NPAS3: variants seen among roughly 807,000 people sequenced by gnomAD.
NPAS3 encodes neuronal PAS domain-containing protein 3.
In NPAS3, 14 loss-of-function variants were observed where a neutral mutation model predicts 73.1. The observed-to-expected ratio is 0.19, with a 90% confidence interval of 0.13 to 0.30. NPAS3 has a LOEUF of 0.30. Ranked by LOEUF, NPAS3 falls within the 10% of genes least tolerant of loss-of-function variation. The pLI, the probability that NPAS3 is intolerant of heterozygous loss-of-function variation, is 1.00. For synonymous variants in NPAS3, 620 were observed against 541.5 expected (o/e 1.14, Z -2.01); for missense variants, 1,096 against 1,250.0 (o/e 0.88, Z 1.86).
In NPAS3 at chr14:33,046,778, C is replaced by T. The variant is rs181729618; in HGVS notation, c.51-9127C>T. 5.8e-3 allele frequency among the ~76,000 whole-genome samples: 884 copies of T among 152,264 alleles called. 6 individuals are homozygous for T. Among genetic ancestry groups the T allele is most frequent in the South Asian group, 0.017 (83 of 4,818 alleles). On this transcript the variant is annotated intron_variant, in intron 1 of 11. Transcript: ENST00000356141. ...ATGACCTGAGTTCAGGAGTTCAAGA[C>T]CAGCCTGGCCAACATGGTGAAACCC...
At chr14:33,260,352 CT>C (rs200342123) in intron 3 of NPAS3, among the ~76,000 whole-genome samples, 92 of 145,626 alleles carry the variant, frequency 6.3e-4, no homozygotes, top group Admixed American at 6.2e-4. Flanking sequence ...TTTTCCTTTC[CT>C]TTTTTTTTTT....
At chr14:33,511,007 G>T (rs1173222325) in intron 4 of NPAS3, among the ~76,000 whole-genome samples, 3 of 152,058 alleles carry the variant, frequency 2.0e-5, no homozygotes, top group African/African-American at 4.8e-5. Flanking sequence ...AATTCTGAGA[G>T]TGCTTGTGTT....
chr14:33,708,116 C>T (rs1487257834), intron 6 of NPAS3, among the ~76,000 whole-genome samples: 1 of 152,112 alleles, frequency 6.6e-6, no homozygotes, highest in East Asian at 1.9e-4. Flanking sequence ...CCACCAGCAC[C>T]TCACCGTGTT....
rs904950816 is a variant in NPAS3 at position 33,633,297 on chromosome 14, G to GA, written c.559-42906dup. Among the ~76,000 whole-genome samples the GA allele has an allele frequency of 1.3e-3, 200 of 151,746 alleles. 1 individual carries two copies. Among genetic ancestry groups the GA allele is most frequent in the African/African-American group, 4.5e-3 (187 of 41,382 alleles). ...GATGCCCTCGAATGCAAACTTATTT[G>GA]AAAAAAAACTAATACCACCTGTATC... On this transcript the variant is annotated intron_variant, in intron 5 of 11. Transcript: ENST00000356141.
intron 1 of NPAS3, among the ~76,000 whole-genome samples, chr14:32,975,806 C>A (rs2037643565): frequency 6.6e-6 from 1 of 151,168 alleles, no homozygotes; most frequent in Non-Finnish European, 1.5e-5. Context: ...AGCATTTCTA[C>A]CTCTTAAAGG....
chr14:33,003,489 G>A (rs926593379), intron 1 of NPAS3, among the ~76,000 whole-genome samples: 4 of 152,166 alleles, frequency 2.6e-5, no homozygotes, highest in African/African-American at 9.7e-5. Flanking sequence ...GACTTAATGC[G>A]CTAGGCAAGC....
At chr14:33,168,235 A>C (rs968064956) in intron 2 of NPAS3, among the ~76,000 whole-genome samples, 6 of 152,130 alleles carry the variant, frequency 3.9e-5, no homozygotes, top group Admixed American at 6.5e-5. Context: ...ACTCTGAGAA[A>C]TCCTGGGATA....
intron 3 of NPAS3, among the ~76,000 whole-genome samples, chr14:33,338,878 A>C (rs2140303381): frequency 6.6e-6 from 1 of 152,314 alleles, no homozygotes; most frequent in Admixed American, 6.5e-5. Context: ...GGCAAAATTT[A>C]GGAATTTGCA....
chr14:33,049,771 G>T (rs770079964), intron 1 of NPAS3, among the ~76,000 whole-genome samples: 6 of 152,178 alleles, frequency 3.9e-5, no homozygotes, highest in Non-Finnish European at 8.8e-5. Flanking sequence ...GGGCTCCTAA[G>T]CATTACTTGG....
At chr14:33,425,276 G>C (rs1200123281) in intron 4 of NPAS3, among the ~76,000 whole-genome samples, 2 of 152,008 alleles carry the variant, frequency 1.3e-5, no homozygotes, top group African/African-American at 4.8e-5. Context: ...ATCATTTGAA[G>C]AGTTTGTATT....
At chr14:33,234,032 G>A (rs2047945184) in intron 3 of NPAS3, among the ~76,000 whole-genome samples, 1 of 152,024 alleles carries the variant, frequency 6.6e-6, no homozygotes, top group African/African-American at 2.4e-5. Flanking sequence ...AGCACGAGTG[G>A]AAAAGAAGTC....
chr14:33,286,607 T>C (rs1481981692), intron 3 of NPAS3, among the ~76,000 whole-genome samples: 1 of 152,166 alleles, frequency 6.6e-6, no homozygotes, highest in Non-Finnish European at 1.5e-5. Flanking sequence ...ATCTCCTCTC[T>C]AGTGTTGTTT....
chr14:33,362,877 C>G (rs771690144), intron 3 of NPAS3, among the ~76,000 whole-genome samples: 1 of 152,172 alleles, frequency 6.6e-6, no homozygotes, highest in Non-Finnish European at 1.5e-5. Flanking sequence ...AACCCTGCCT[C>G]ACAGTGTCAC....
At chr14:33,423,014 T>C (rs1326689415) in intron 4 of NPAS3, among the ~76,000 whole-genome samples, 2 of 151,996 alleles carry the variant, frequency 1.3e-5, no homozygotes, top group Non-Finnish European at 2.9e-5. Context: ...ATAAACATAC[T>C]TGATAAAAAC....
At chr14:33,458,938 G>A (rs895867298) in intron 4 of NPAS3, among the ~76,000 whole-genome samples, 1 of 152,176 alleles carries the variant, frequency 6.6e-6, no homozygotes, top group Non-Finnish European at 1.5e-5. Context: ...TGTTTATGAA[G>A]AAAGTAAAGG....
At chr14:33,784,741 A>AT (rs1325282410) in intron 9 of NPAS3, among the ~76,000 whole-genome samples, 2,176 of 71,416 alleles carry the variant, frequency 0.03, 156 homozygotes, top group East Asian at 0.087. Context: ...TTATTTATTT[A>AT]TTTATTTTTT....
chr14:33,524,781 C>T (rs1263289490), intron 4 of NPAS3, among the ~76,000 whole-genome samples: 1 of 152,066 alleles, frequency 6.6e-6, no homozygotes, highest in Non-Finnish European at 1.5e-5. Context: ...TCCCAGCTTC[C>T]GGTGGTTTGC....
intron 3 of NPAS3, among the ~76,000 whole-genome samples, chr14:33,217,094 A>G (rs1445850238): frequency 1.3e-5 from 2 of 152,148 alleles, no homozygotes; most frequent in African/African-American, 4.8e-5. Flanking sequence ...GGAGGCAAAG[A>G]ACGTCTTACA....
intron 4 of NPAS3, among the ~76,000 whole-genome samples, chr14:33,483,831 CT>C (rs1445075373): frequency 6.6e-6 from 1 of 152,156 alleles, no homozygotes; most frequent in East Asian, 1.9e-4. Context: ...TACGGCTGAC[CT>C]TTTTTCTGGA....
Sources: allele counts gnomAD v4.1 joint callset (sites outside exome capture counted in the v4.1 genomes callset), GRCh38; gene constraint gnomAD v4.1.1; transcripts MANE v1.5; gene names NCBI Gene and HGNC (gene_info 2026-07-23, HGNC 2026-07-21).